Variants in PCDHA7 observed in about 807,000 individuals in gnomAD.
PCDHA7 encodes the protein protocadherin alpha-7.
Under a neutral mutation model 57.2 loss-of-function variants are expected in PCDHA7, and 37 were observed. That is an observed-to-expected ratio of 0.65 (90% CI 0.50 to 0.85). The LOEUF (loss-of-function observed/expected upper bound fraction) is 0.85. Ranked by LOEUF, PCDHA7 falls within the 40% of genes least tolerant of loss-of-function variation. The pLI is 0.00. For synonymous variants in PCDHA7, 553 were observed against 558.8 expected, an observed-to-expected ratio of 0.99 and a Z score of 0.15; for missense variants, 1,188 against 1,241.8, an observed-to-expected ratio of 0.96 and a Z score of 0.65.
At chr5:140,838,195 A>T (rs1007938593) in intron 1 of PCDHA7, among the ~76,000 whole-genome samples, 4 of 149,564 alleles carry the variant, frequency 2.7e-5, no homozygotes, top group Non-Finnish European at 5.9e-5. Context: ...CTCACTGCAA[A>T]ATCCGCCTCT....
chr5:140,877,797 C>T, intron 1 of PCDHA7: 1 of 1,613,630 alleles, frequency 6.2e-7, no homozygotes. Flanking sequence ...TCAGCCCAAG[C>T]CTTCAGCTGT....
chr5:140,863,407 C>A (rs1343146552), intron 1 of PCDHA7: 4 of 788,794 alleles, frequency 5.1e-6, no homozygotes, highest in African/African-American at 1.7e-5. Flanking sequence ...CAAGCCCACG[C>A]TGGTGTACCG....
At chr5:140,858,414 T>C (rs2045398069) in intron 1 of PCDHA7, 1 of 1,562,782 alleles carries the variant, frequency 6.4e-7, no homozygotes. Flanking sequence ...GATCAGTCTA[T>C]TGGAGGGGAC....
At chr5:140,888,753 AC>A (rs1372547782) in intron 1 of PCDHA7, among the ~76,000 whole-genome samples, 1 of 149,022 alleles carries the variant, frequency 6.7e-6, no homozygotes, top group African/African-American at 2.5e-5. Context: ...TATTCTACCC[AC>A]TTTTTTTTTT....
At chr5:140,931,662 T>C (rs905670675) in intron 1 of PCDHA7, among the ~76,000 whole-genome samples, 2 of 152,028 alleles carry the variant, frequency 1.3e-5, no homozygotes, top group Non-Finnish European at 2.9e-5. Context: ...GTGGGCTGGA[T>C]ATTTCCTTAT....
At chr5:140,939,768 G>A (rs1241071492) in intron 1 of PCDHA7, among the ~76,000 whole-genome samples, 1 of 152,162 alleles carries the variant, frequency 6.6e-6, no homozygotes, top group Non-Finnish European at 1.5e-5. Context: ...TAGTATTTCA[G>A]GGTGTGAATG....
chr5:140,877,112 G>T (rs782384853), intron 1 of PCDHA7: 18 of 1,613,552 alleles, frequency 1.1e-5, no homozygotes, highest in African/African-American at 4.0e-5. Context: ...CCTCTGGGCA[G>T]CAACGTGACG....
At chr5:140,971,692 C>G (rs2096492766) in intron 1 of PCDHA7, among the ~76,000 whole-genome samples, 1 of 152,116 alleles carries the variant, frequency 6.6e-6, no homozygotes, top group South Asian at 2.1e-4. Context: ...TTTGTACTCA[C>G]TAACCACCCT....
In PCDHA7 at chr5:140,992,017, CTGTGTG is replaced by C. The variant is rs10602499; in HGVS notation, c.2503+9486_2503+9491del. On this transcript the variant is annotated intron_variant, in intron 3 of 3. Coordinates refer to ENST00000525929, the MANE Select transcript of PCDHA7 (RefSeq NM_018910.3). ...CTTTCATGTTCAGGCAGAGGTGGCT[CTGTGTG>C]TGTGTGTGTGTGTGTGTGTGTGTGT... 2.1e-3 allele frequency among the ~76,000 whole-genome samples: 300 copies of C among 145,496 alleles called. 2 individuals carry two copies. The highest frequency in any genetic ancestry group is 4.8e-3 in the African/African-American group (189 of 39,270).
intron 1 of PCDHA7, chr5:140,871,675 T>C (rs1474564343): frequency 8.8e-7 from 1 of 1,142,376 alleles, no homozygotes; most frequent in African/African-American, 1.6e-5. Flanking sequence ...CTTTTAATCA[T>C]ATGAATAATC....
At chr5:140,868,440 G>A (rs2050457998) in intron 1 of PCDHA7, 1 of 152,152 alleles carries the variant, frequency 6.6e-6, no homozygotes, top group Admixed American at 6.6e-5. Flanking sequence ...AGATCATGTG[G>A]AACATAAACA....
rs1272799738 is a variant in PCDHA7 at position 140,969,033 on chromosome 5, T to C, written c.2356-9916T>C. On this transcript the variant is annotated intron_variant, in intron 1 of 3. Coordinates refer to ENST00000525929, the MANE Select transcript of PCDHA7 (RefSeq NM_018910.3). ...GTAAGGGAAAGGTCCCCTGCAGAAC[T>C]GTACAAACAAGCCAACAACAATATT... 5 of 1,614,028 alleles carry C rather than the reference T, an allele frequency of 3.1e-6. No individual in the cohort carries two copies. Among genetic ancestry groups the C allele is most frequent in the Admixed American group, 3.3e-5 (2 of 60,006 alleles).
chr5:141,009,702 C>T lies in PCDHA7; in HGVS notation c.2579C>T (p.Pro860Leu). 1 of 1,614,056 alleles carries T rather than the reference C, an allele frequency of 6.2e-7. No individual in the cohort carries two copies. The highest frequency in any genetic ancestry group is 8.5e-7 in the Non-Finnish European group (1 of 1,180,028). The change falls in exon 4 of 4, where the codon CCA becomes CTA. Residue 860 changes from proline to leucine, a missense_variant. Transcript: ENST00000525929. ...AACAGCTGGACCTTTAAATACGGAC[C>T]AGGCAACCCCAAACAATCCGGTCCC... is the stretch of plus-strand genomic sequence containing the variant. The part of the protein sequence containing the change: ...NSNSWTFKYG[P>L]GNPKQSGPGE...
intron 2 of PCDHA7, among the ~76,000 whole-genome samples, chr5:140,980,413 T>C (rs1218867656): frequency 6.6e-6 from 1 of 152,086 alleles, no homozygotes; most frequent in Admixed American, 6.6e-5. Context: ...GGGCAGATCA[T>C]GAGGTCAAGA....
chr5:141,009,580 G>A (rs1554262213), intron 3 of PCDHA7, 47 bp from the exon 4 acceptor site: 1 of 1,588,170 alleles, frequency 6.3e-7, no homozygotes, highest in South Asian at 1.2e-5. Flanking sequence ...GTGGCATCAA[G>A]AGCATGTGTT....
In PCDHA7 at chr5:140,927,655, G is replaced by C. The variant is rs782653279; in HGVS notation, c.2356-51294G>C. On this transcript the variant is annotated intron_variant, in intron 1 of 3. Transcript: ENST00000525929. Reference sequence around the variant, plus strand: ...ACCCAATGGGACTGTGTTATTCCGAGTTCAAGCCTTGGATCCAGATGAAGG... The same window carrying C: ...ACCCAATGGGACTGTGTTATTCCGACTTCAAGCCTTGGATCCAGATGAAGG... The C allele has an allele frequency of 1.2e-5, 20 of 1,614,130 alleles. No individual in the cohort carries two copies. In the Admixed American group the frequency reaches 2.3e-4, roughly 19 times the overall value.
In PCDHA7 at chr5:140,843,131, A is replaced by T. The variant is rs1778597379; in HGVS notation, c.2355+6393A>T. 3 of 1,596,044 alleles carry T rather than the reference A, an allele frequency of 1.9e-6. No homozygotes were observed. The African/African-American group carries it at 4.0e-5, about 21-fold the overall frequency. On this transcript the variant is annotated intron_variant, in intron 1 of 3. Coordinates refer to ENST00000525929, the MANE Select transcript of PCDHA7 (RefSeq NM_018910.3). ...CGCAGTGGACGCCGACTCGGGCTAC[A>T]ACGCGTGGCTTTCGTATGAGCTGCA...
chr5:140,907,616 GCT>G (rs1554193070), intron 1 of PCDHA7, among the ~76,000 whole-genome samples: 1 of 152,216 alleles, frequency 6.6e-6, no homozygotes, highest in Non-Finnish European at 1.5e-5. Context: ...CATATCAAGG[GCT>G]CAGTGTTGGT....
At chr5:140,917,014 T>C (rs1272670553) in intron 1 of PCDHA7, among the ~76,000 whole-genome samples, 1 of 152,168 alleles carries the variant, frequency 6.6e-6, no homozygotes, top group Non-Finnish European at 1.5e-5. Context: ...TCTCCCTTCA[T>C]GTGCAGCTGC....
Sources: gnomAD v4.1 joint callset for allele counts (sites outside exome capture counted in the v4.1 genomes callset) on GRCh38, gnomAD v4.1.1 for gene constraint, MANE v1.5 for transcripts, NCBI Gene and HGNC (gene_info 2026-07-23, HGNC 2026-07-21) for gene names.